GPC5: variants seen among roughly 807,000 people sequenced by gnomAD.
GPC5 encodes the protein glypican-5.
GPC5 carries 47 observed loss-of-function variants against 53.9 expected under a neutral mutation model. That is an observed-to-expected ratio of 0.87 (90% CI 0.69 to 1.11). GPC5 has a LOEUF of 1.11. GPC5 is among the 50% of genes most tolerant of loss of function. GPC5 has a pLI of 0.00. For synonymous variants in GPC5, 286 were observed against 263.3 expected, an observed-to-expected ratio of 1.09 and a Z score of -0.84; for missense variants, 748 against 713.1, an observed-to-expected ratio of 1.05 and a Z score of -0.56.
intron 7 of GPC5, among the ~76,000 whole-genome samples, chr13:92,590,368 A>T (rs1883674742): frequency 6.6e-6 from 1 of 152,118 alleles, no homozygotes; most frequent in African/African-American, 2.4e-5. Flanking sequence ...ATCTATTGAA[A>T]AGGGAGTGTT....
At chr13:92,815,632 GA>G (rs1348773258) in intron 7 of GPC5, among the ~76,000 whole-genome samples, 1 of 151,866 alleles carries the variant, frequency 6.6e-6, no homozygotes, top group Non-Finnish European at 1.5e-5. Flanking sequence ...TGTTCTGGCA[GA>G]AGTGTTGAGA....
intron 7 of GPC5, among the ~76,000 whole-genome samples, chr13:92,757,059 T>C (rs1874912593): frequency 6.6e-6 from 1 of 151,678 alleles, no homozygotes; most frequent in Admixed American, 6.6e-5. Flanking sequence ...GCTGGAGGCA[T>C]CACACTACCT....
At chr13:91,884,063 C>A (rs1278547095) in intron 5 of GPC5, among the ~76,000 whole-genome samples, 9 of 152,102 alleles carry the variant, frequency 5.9e-5, no homozygotes, top group Admixed American at 5.2e-4. Context: ...CCATCTCACA[C>A]CATTCAGAAT....
chr13:91,696,516 C>A (rs758144043), intron 3 of GPC5, among the ~76,000 whole-genome samples: 1 of 152,096 alleles, frequency 6.6e-6, no homozygotes, highest in Non-Finnish European at 1.5e-5. Flanking sequence ...ATAACCAGTT[C>A]GCACATCGAT....
At chr13:92,840,440 T>C (rs996383137) in intron 7 of GPC5, among the ~76,000 whole-genome samples, 1 of 152,034 alleles carries the variant, frequency 6.6e-6, no homozygotes, top group Non-Finnish European at 1.5e-5. Context: ...ATTTCTCGAC[T>C]CCCTAAATTT....
intron 7 of GPC5, among the ~76,000 whole-genome samples, chr13:92,646,817 A>G (rs1435736005): frequency 2.1e-5 from 2 of 93,910 alleles, no homozygotes; most frequent in Admixed American, 9.6e-5. Context: ...TTCAATTTTC[A>G]GTTTTAGCTC....
chr13:92,561,469 GA>G (rs1404766542), intron 7 of GPC5, among the ~76,000 whole-genome samples: 1 of 151,938 alleles, frequency 6.6e-6, no homozygotes, highest in Non-Finnish European at 1.5e-5. Context: ...GATCCCAATA[GA>G]ACCTTTCTCC....
At position 92,084,357 on chromosome 13, in the gene GPC5, G is replaced by A. The variant is rs11841708; in HGVS notation, c.1402-60473G>A. On this transcript the variant is annotated intron_variant, in intron 6 of 7. Transcript: ENST00000377067. ...TATCACGTGGGTCACATCTTTATAG[G>A]CATTATGTATTCTAATAAAATGGCA... 6.5e-3 allele frequency among the ~76,000 whole-genome samples: 994 copies of A among 152,194 alleles called. 17 individuals carry two copies. Among genetic ancestry groups the A allele is most frequent in the African/African-American group, 0.021 (870 of 41,518 alleles).
chr13:91,755,971 T>C (rs1353824597), intron 4 of GPC5, among the ~76,000 whole-genome samples: 2 of 151,684 alleles, frequency 1.3e-5, no homozygotes. Context: ...TCTTTATGCA[T>C]CAGTATATAC....
At chr13:92,469,732 C>A (rs1369196197) in intron 7 of GPC5, among the ~76,000 whole-genome samples, 1 of 152,076 alleles carries the variant, frequency 6.6e-6, no homozygotes, top group East Asian at 1.9e-4. Flanking sequence ...TCCCACGTCT[C>A]TTGCAAAGAC....
intron 6 of GPC5, among the ~76,000 whole-genome samples, chr13:92,041,453 G>T (rs2040941024): frequency 6.6e-6 from 1 of 152,148 alleles, no homozygotes; most frequent in African/African-American, 2.4e-5. Context: ...AGACTCACTT[G>T]TACAAGGTGC....
intron 7 of GPC5, chr13:92,241,581 T>C (rs1422697033): frequency 6.6e-6 from 1 of 152,204 alleles, no homozygotes; most frequent in African/African-American, 2.4e-5. Context: ...GATGGTTTTA[T>C]TTCTGTGGGA....
chr13:91,572,203 A>ATATATACGTGTATATATATACACATATG (rs2031935815), intron 2 of GPC5, among the ~76,000 whole-genome samples: 1 of 128,868 alleles, frequency 7.8e-6, no homozygotes, highest in African/African-American at 3.1e-5. Flanking sequence ...ACACATATGT[A>ATATATACGTGTATATATATACACATATG]TATATACGTG....
chr13:92,032,160 T>G (rs929005783), intron 6 of GPC5, among the ~76,000 whole-genome samples: 2 of 148,892 alleles, frequency 1.3e-5, no homozygotes, highest in African/African-American at 4.9e-5. Context: ...GGGACCATTA[T>G]TCTAAGTGAA....
At chr13:92,257,248 G>A (rs1050695039) in intron 7 of GPC5, among the ~76,000 whole-genome samples, 1 of 151,966 alleles carries the variant, frequency 6.6e-6, no homozygotes, top group African/African-American at 2.4e-5. Flanking sequence ...TTGAGTAATT[G>A]AAATGTGATT....
At position 91,683,529 on chromosome 13, in the gene GPC5, C is replaced by T. The variant is rs535273715; in HGVS notation, c.326-9658C>T. 7.2e-5 allele frequency among the ~76,000 whole-genome samples: 11 copies of T among 152,296 alleles called. No individual in the cohort carries two copies. The South Asian group carries it at 1.9e-3, about 26-fold the overall frequency. ...CCCCTGGCAAATCCTCTTTGCCTGC[C>T]GGAAGAGTCACTGCCTGTCCGGCTT... On this transcript the variant is annotated intron_variant, in intron 2 of 7. Transcript: ENST00000377067.
chr13:91,622,498 T>A (rs1234502301), intron 2 of GPC5, among the ~76,000 whole-genome samples: 6 of 152,146 alleles, frequency 3.9e-5, no homozygotes, highest in Admixed American at 3.9e-4. Context: ...ATTTTGATTT[T>A]TTTTCTCAGT....
intron 6 of GPC5, among the ~76,000 whole-genome samples, chr13:92,144,538 C>G (rs1167309350): frequency 1.3e-5 from 2 of 152,100 alleles, no homozygotes; most frequent in African/African-American, 4.8e-5. Context: ...ACAAAGGATC[C>G]TCTAGACAAA....
intron 7 of GPC5, among the ~76,000 whole-genome samples, chr13:92,324,577 T>C (rs2043237579): frequency 6.6e-6 from 1 of 151,906 alleles, no homozygotes. Context: ...TTTAAATGTC[T>C]GGCTGGCATA....
Sources: allele counts gnomAD v4.1 joint callset (sites outside exome capture counted in the v4.1 genomes callset), GRCh38; gene constraint gnomAD v4.1.1; transcripts MANE v1.5; gene names NCBI Gene and HGNC (gene_info 2026-07-23, HGNC 2026-07-21).